Variants in SNW1 observed in about 807,000 individuals in gnomAD.
The protein encoded by SNW1 is SNW domain containing 1, also known as SNW domain-containing protein 1.
SNW1 carries 9 observed loss-of-function variants against 75.6 expected under a neutral mutation model. The observed-to-expected ratio is 0.12, with a 90% confidence interval of 0.07 to 0.21. SNW1 has a LOEUF of 0.21. Ranked by LOEUF, SNW1 falls within the 10% of genes least tolerant of loss-of-function variation. The pLI, the probability that SNW1 is intolerant of heterozygous loss-of-function variation, is 1.00. For missense variants in SNW1, 409 were observed against 670.9 expected, an observed-to-expected ratio of 0.61 and a Z score of 4.31; for synonymous variants, 200 against 219.1, an observed-to-expected ratio of 0.91 and a Z score of 0.77.
chr14:77,753,625 T>C (rs1368799541), intron 2 of SNW1, among the ~76,000 whole-genome samples: 1 of 152,120 alleles, frequency 6.6e-6, no homozygotes, highest in East Asian at 1.9e-4. Context: ...GGACAAGATA[T>C]GATCTAGTTG....
chr14:77,758,199 G>A (rs1366624613), intron 1 of SNW1, among the ~76,000 whole-genome samples: 8 of 151,056 alleles, frequency 5.3e-5, no homozygotes, highest in Non-Finnish European at 1.0e-4. Flanking sequence ...GCGTGGTGGC[G>A]GACGCCTGTA....
chr14:77,740,064 G>A (rs1160497362), intron 3 of SNW1, among the ~76,000 whole-genome samples: 1 of 149,216 alleles, frequency 6.7e-6, no homozygotes, highest in Non-Finnish European at 1.5e-5. Flanking sequence ...AACCCGGGAG[G>A]AAGAGCTTGC....
chr14:77,730,984 A>C lies in SNW1; in HGVS notation c.1033+4T>G. The C allele has an allele frequency of 6.2e-7, 1 of 1,612,074 alleles. No individual in the cohort carries two copies. The highest frequency in any genetic ancestry group is 1.1e-5 in the South Asian group (1 of 90,496). ...AATTCAATTCAGTAATGAGAATGTC[A>C]TACCTTTTTCCACATGAGTTTTGAT... On this transcript the variant is annotated splice_donor_region_variant and intron_variant, in intron 10 of 13. Coordinates refer to ENST00000261531, the MANE Select transcript of SNW1 (RefSeq NM_012245.3).
At chr14:77,750,133 C>T (rs1349139434) in intron 3 of SNW1, among the ~76,000 whole-genome samples, 1 of 151,922 alleles carries the variant, frequency 6.6e-6, no homozygotes, top group Non-Finnish European at 1.5e-5. Flanking sequence ...CCCAGGAGGT[C>T]GAGGCTTCAG....
chr14:77,747,370 G>A (rs1257381319), intron 3 of SNW1, among the ~76,000 whole-genome samples: 2 of 151,992 alleles, frequency 1.3e-5, no homozygotes, highest in African/African-American at 4.8e-5. Flanking sequence ...GTCTCTGCCA[G>A]GCCGCCCATC....
intron 11 of SNW1, chr14:77,722,460 T>C: frequency 4.4e-6 from 2 of 453,256 alleles, no homozygotes; most frequent in Non-Finnish European, 8.8e-6. Context: ...GTACTATGCA[T>C]ATAAAATGAT....
chr14:77,742,908 C>T (rs1489349238), intron 3 of SNW1, among the ~76,000 whole-genome samples: 1 of 149,902 alleles, frequency 6.7e-6, no homozygotes, highest in Non-Finnish European at 1.5e-5. Context: ...GGGAAAAATA[C>T]ATACACCAAG....
intron 12 of SNW1, among the ~76,000 whole-genome samples, chr14:77,720,079 A>T (rs917711746): frequency 2.6e-5 from 4 of 152,256 alleles, no homozygotes; most frequent in Non-Finnish European, 5.9e-5. Flanking sequence ...AAAGAATCCC[A>T]AATTGATATA....
chr14:77,733,742 CAAAAAAAAAAA>C (rs35483765), intron 8 of SNW1, among the ~76,000 whole-genome samples: 1 of 64,850 alleles, frequency 1.5e-5, no homozygotes, highest in Non-Finnish European at 2.7e-5. Flanking sequence ...GAGACCGTCT[CAAAAAAAAAAA>C]AAAAAAAAAA....
At chr14:77,728,710 C>T (rs2080605557) in intron 10 of SNW1, among the ~76,000 whole-genome samples, 1 of 152,084 alleles carries the variant, frequency 6.6e-6, no homozygotes, top group South Asian at 2.1e-4. Flanking sequence ...TTTCTATAGC[C>T]AATTAACCAT....
At chr14:77,728,786 A>T (rs1169822178) in intron 10 of SNW1, among the ~76,000 whole-genome samples, 3 of 152,210 alleles carry the variant, frequency 2.0e-5, no homozygotes, top group Non-Finnish European at 1.5e-5. Flanking sequence ...AGTCACAATA[A>T]TAGTATCACT....
At chr14:77,760,342 C>CACTA (rs554060713) in intron 1 of SNW1, among the ~76,000 whole-genome samples, 6 of 152,182 alleles carry the variant, frequency 3.9e-5, no homozygotes, top group Non-Finnish European at 7.3e-5. Flanking sequence ...CCTTCCTGAA[C>CACTA]ACTAGCCTTT....
chr14:77,735,171 A>G (rs2080660759), intron 7 of SNW1, among the ~76,000 whole-genome samples, 159 bp from the exon 8 acceptor site: 1 of 152,256 alleles, frequency 6.6e-6, no homozygotes, highest in South Asian at 2.1e-4. Context: ...CTAGTTTACC[A>G]TATAATTCTA....
intron 3 of SNW1, among the ~76,000 whole-genome samples, chr14:77,744,934 C>T (rs191673021): frequency 6.6e-6 from 1 of 152,250 alleles, no homozygotes; most frequent in Admixed American, 6.5e-5. Flanking sequence ...TTTCCTTTTG[C>T]AGGAGTGGAC....
intron 3 of SNW1, among the ~76,000 whole-genome samples, chr14:77,747,566 G>A (rs1396600598): frequency 2.0e-5 from 3 of 151,670 alleles, no homozygotes; most frequent in Admixed American, 6.6e-5. Flanking sequence ...CTGCCCAGCC[G>A]GGACCCTGTC....
intron 3 of SNW1, among the ~76,000 whole-genome samples, chr14:77,743,281 G>C (rs1223562504): frequency 2.0e-5 from 3 of 151,620 alleles, no homozygotes; most frequent in African/African-American, 4.8e-5. Context: ...GCATTTGGTT[G>C]TATCAAGATT....
intron 3 of SNW1, among the ~76,000 whole-genome samples, chr14:77,748,904 T>A (rs935509987): frequency 3.9e-5 from 6 of 152,140 alleles, no homozygotes; most frequent in Middle Eastern, 3.4e-3. Flanking sequence ...ATAATTTTTT[T>A]TAAAAAAATC....
intron 1 of SNW1, 24 bp downstream of exon 1, chr14:77,761,090 C>G (rs763876145): frequency 1.2e-6 from 2 of 1,614,268 alleles, no homozygotes; most frequent in South Asian, 1.1e-5. Flanking sequence ...CCTTCCGTAT[C>G]GAGGACCCCA....
At chr14:77,746,689 AGATT>A (rs967375226) in intron 3 of SNW1, among the ~76,000 whole-genome samples, 20 of 152,158 alleles carry the variant, frequency 1.3e-4, no homozygotes, top group African/African-American at 4.6e-4. Context: ...AATCCTATAT[AGATT>A]AATAAAAAAA....
Sources: allele counts gnomAD v4.1 joint callset (sites outside exome capture counted in the v4.1 genomes callset), GRCh38; gene constraint gnomAD v4.1.1; transcripts MANE v1.5; gene names NCBI Gene and HGNC (gene_info 2026-07-23, HGNC 2026-07-21).